SLC47A2: variants seen among roughly 807,000 people sequenced by gnomAD.
The protein encoded by SLC47A2 is solute carrier family 47 member 2.
SLC47A2 carries 52 observed loss-of-function variants against 67.7 expected under a neutral mutation model. That is an observed-to-expected ratio of 0.77 (90% CI 0.61 to 0.97). The LOEUF is 0.97. Ranked by LOEUF, SLC47A2 falls within the 50% of genes least tolerant of loss-of-function variation. The probability of loss-of-function intolerance (pLI) is 0.00; values close to 1 mark genes in which losing one functional copy is unlikely to be tolerated. For missense variants in SLC47A2, 676 were observed against 712.3 expected (o/e 0.95, Z 0.58); for synonymous variants, 278 against 292.9 (o/e 0.95, Z 0.52).
chr17:19,706,554 T>TAAAAAA, intron 9 of SLC47A2, 94 bp downstream of exon 9: 1 of 1,050,276 alleles, frequency 9.5e-7, no homozygotes, highest in Non-Finnish European at 1.4e-6. Context: ...GGGAGGGGGC[T>TAAAAAA]TCTGGGATGG....
chr17:19,714,951 G>A (rs950838080), intron 2 of SLC47A2, 162 bp from the exon 3 acceptor site: 23 of 1,237,354 alleles, frequency 1.9e-5, no homozygotes, highest in East Asian at 4.8e-5. Flanking sequence ...GGGCCAGACC[G>A]CCTCCATCTC....
chr17:19,714,547 G>T, intron 3 of SLC47A2, 174 bp downstream of exon 3: 1 of 719,440 alleles, frequency 1.4e-6, no homozygotes, highest in Non-Finnish European at 2.4e-6. Flanking sequence ...AAAGGGGAGG[G>T]TCTGTTTCCC....
In SLC47A2 at chr17:19,708,715, C is replaced by T; in HGVS notation, c.531+1G>A. On this transcript the variant is annotated splice_donor_variant, in intron 6 of 16. Transcript: ENST00000433844. LOFTEE classifies it high-confidence loss of function. ...CCTCCCCACACACCAAAGACCTGTA[C>T]CTGATTTTGCAAATATTTTGCCAGC... 3 of 1,613,962 alleles carry T rather than the reference C, an allele frequency of 1.9e-6. No homozygotes were observed. In the South Asian group the frequency reaches 3.3e-5, roughly 18 times the overall value.
At position 19,704,100 on chromosome 17, in the gene SLC47A2, G is replaced by A. The variant is rs749750619; in HGVS notation, c.988C>T (p.Arg330Cys). 2.4e-5 allele frequency: 38 copies of A among 1,610,824 alleles called. No homozygotes were observed. The highest frequency in any genetic ancestry group is 3.3e-4 in the Middle Eastern group (2 of 6,058). The change falls in exon 11 of 17, where the codon CGC becomes TGC. Residue 330 changes from arginine (R) to cysteine (C), a missense_variant. By Grantham distance (180) the Arg-to-Cys change is radical. Transcript: ENST00000433844. ...LGAADTVQAK[R>C]SAVSGVLSIV... Reference sequence around the variant, plus strand: ...CTGAGCACGCCCGAGACGGCCGAGCGCTTGGCCTGCACAGTATCCGCAGCC... The same window carrying A: ...CTGAGCACGCCCGAGACGGCCGAGCACTTGGCCTGCACAGTATCCGCAGCC...
intron 8 of SLC47A2, 38 bp downstream of exon 8, chr17:19,707,708 G>C: frequency 6.5e-7 from 1 of 1,542,554 alleles, no homozygotes; most frequent in Non-Finnish European, 8.8e-7. Flanking sequence ...CACCACCGCT[G>C]GCCTGCTCAG....
At chr17:19,711,362 C>T (rs74498707) in intron 5 of SLC47A2, among the ~76,000 whole-genome samples, 1 of 150,856 alleles carries the variant, frequency 6.6e-6, no homozygotes, top group African/African-American at 2.4e-5. Flanking sequence ...GAGGTGGAAG[C>T]GAGTGGATCA....
rs764308768 is a variant in SLC47A2, at chr17:19,681,619, C to T, written c.1216G>A (p.Ala406Thr). The T allele has an allele frequency of 2.0e-5, 33 of 1,613,994 alleles. No homozygotes were observed. The highest frequency in any genetic ancestry group is 5.3e-5 in the African/African-American group (4 of 74,906). The stretch of plus-strand genomic sequence containing the variant: ...ATGTAATATGTGATGGCATTCACAG[C>T]GGCACCAAAGGCCTGCTTCCCAGTT... Reference protein sequence around the residue: ...RGTGKQAFGAAVNAITYYIIG... With the variant: ...RGTGKQAFGATVNAITYYIIG... Residue 406 changes from alanine (A) to threonine (T), a missense_variant, in exon 14 of 17, where the codon GCT becomes ACT. Physicochemically the swap from Ala to Thr is moderately conservative, Grantham distance 58. Coordinates refer to ENST00000433844, the MANE Select transcript of SLC47A2 (RefSeq NM_001099646.3).
chr17:19,705,841 C>T (rs1343705693), intron 9 of SLC47A2, among the ~76,000 whole-genome samples: 6 of 152,192 alleles, frequency 3.9e-5, no homozygotes, highest in African/African-American at 1.2e-4. Context: ...TCAAGTGATC[C>T]ACCCACCTCG....
chr17:19,700,328 A>C (rs562689125), intron 13 of SLC47A2, among the ~76,000 whole-genome samples: 6 of 152,378 alleles, frequency 3.9e-5, no homozygotes, highest in Non-Finnish European at 8.8e-5. Context: ...CCGACTAGCC[A>C]GGAGGAAAAA....
intron 13 of SLC47A2, among the ~76,000 whole-genome samples, chr17:19,687,136 CAA>C (rs761570156): frequency 2.1e-4 from 32 of 152,116 alleles, no homozygotes; most frequent in South Asian, 6.2e-4. Context: ...AAATCAATAA[CAA>C]GAGGAATTTT....
intron 13 of SLC47A2, among the ~76,000 whole-genome samples, chr17:19,700,655 C>T (rs528119900): frequency 1.8e-4 from 27 of 151,320 alleles, no homozygotes; most frequent in Non-Finnish European, 2.5e-4. Context: ...GTCCCAGCTA[C>T]TCAGGAGGCT....
rs755502510 is a variant in SLC47A2 at position 19,704,218 on chromosome 17, C to T, written c.910-40G>A. 2.6e-6 allele frequency: 4 copies of T among 1,538,138 alleles called. No homozygotes were observed. In the Admixed American group the frequency reaches 7.3e-5, roughly 28 times the overall value. On this transcript the variant is annotated intron_variant, in intron 10 of 16. Coordinates refer to ENST00000433844, the MANE Select transcript of SLC47A2 (RefSeq NM_001099646.3). Reference sequence around the variant, plus strand: ...AAGAAAGCACTGTCAGTGGGCCCACCCTCCAACCCCTGAAGTCCTGAGCCA... The same window carrying T: ...AAGAAAGCACTGTCAGTGGGCCCACTCTCCAACCCCTGAAGTCCTGAGCCA...
At chr17:19,705,915 T>C (rs2085922387) in intron 9 of SLC47A2, among the ~76,000 whole-genome samples, 1 of 152,150 alleles carries the variant, frequency 6.6e-6, no homozygotes, top group Non-Finnish European at 1.5e-5. Flanking sequence ...GAAGGGCAGA[T>C]TGGTAACAAT....
chr17:19,715,007 G>T (rs114547400), intron 2 of SLC47A2, 109 bp downstream of exon 2: 1 of 1,335,946 alleles, frequency 7.5e-7, no homozygotes. Context: ...AGCCACGTGG[G>T]CTGTGTCTTC....
intron 13 of SLC47A2, among the ~76,000 whole-genome samples, chr17:19,701,503 G>A (rs1680896233): frequency 6.6e-6 from 1 of 152,204 alleles, no homozygotes; most frequent in African/African-American, 2.4e-5. Context: ...TAGGGAAAGG[G>A]CTGGAATGCG....
intron 1 of SLC47A2, chr17:19,715,692 G>GTTTTTTTTTTTTTTTTTTT (rs1262965934): frequency 1.2e-5 from 1 of 86,652 alleles, no homozygotes; most frequent in African/African-American, 3.8e-5. Context: ...CTCCTTTTTG[G>GTTTTTTTTTTTTTTTTTTT]TTTTGTTTTT....
chr17:19,706,809 C>T (rs1453910279), intron 8 of SLC47A2, 48 bp from the exon 9 acceptor site: 12 of 1,433,742 alleles, frequency 8.4e-6, no homozygotes, highest in Admixed American at 2.0e-5. Flanking sequence ...GCTTGCCCAC[C>T]TCATTCCTGC....
intron 1 of SLC47A2, chr17:19,716,133 A>G (rs576709162): frequency 3.9e-4 from 144 of 372,302 alleles, no homozygotes; most frequent in South Asian, 6.5e-4. Context: ...TCTGGGTCCC[A>G]TTTGTCCTGG....
chr17:19,679,961 G>A lies in SLC47A2; in HGVS notation c.1471C>T (p.Leu491=). 6.2e-7 allele frequency: 1 copy of A among 1,613,612 alleles called. No individual in the cohort carries two copies. Among genetic ancestry groups the A allele is most frequent in the Non-Finnish European group, 8.5e-7 (1 of 1,179,816 alleles). ...ATRPGPEKAV[L]SSVATGSSPG... ...GCGGTGACAGTATTACCTGAAGATA[G>A]GACTGCTTTCTCAGGCCCAGGTCTG... The change falls in exon 16 of 17, where the codon CTA becomes TTA. Residue 491 remains leucine (L), a synonymous_variant. Transcript: ENST00000433844.
Sources: allele counts gnomAD v4.1 joint callset (sites outside exome capture counted in the v4.1 genomes callset), GRCh38; gene constraint gnomAD v4.1.1; transcripts MANE v1.5; gene names NCBI Gene and HGNC (gene_info 2026-07-23, HGNC 2026-07-21).